PACSIN1: variants seen among roughly 807,000 people sequenced by gnomAD.
The protein encoded by PACSIN1 is protein kinase C and casein kinase substrate in neurons protein 1.
In PACSIN1, 15 loss-of-function variants were observed where a neutral mutation model predicts 59.5. The observed-to-expected ratio is 0.25, with a 90% CI of 0.17 to 0.39. The LOEUF is 0.39. Among genes scored for constraint, PACSIN1 ranks in the 10% least tolerant of loss-of-function variants. The probability of loss-of-function intolerance (pLI) is 1.00; values close to 1 mark genes in which losing one functional copy is unlikely to be tolerated. For synonymous variants in PACSIN1, 210 were observed against 220.6 expected (o/e 0.95, Z 0.42); for missense variants, 420 against 580.2 (o/e 0.72, Z 2.84).
chr6:34,474,354 G>C (rs1266835827), intron 1 of PACSIN1, among the ~76,000 whole-genome samples: 1 of 152,038 alleles, frequency 6.6e-6, no homozygotes, highest in African/African-American at 2.4e-5. Flanking sequence ...TCCTCTCCTA[G>C]ATCTTTGCAG....
intron 1 of PACSIN1, among the ~76,000 whole-genome samples, chr6:34,473,347 G>A (rs1384798567): frequency 6.6e-6 from 1 of 152,160 alleles, no homozygotes; most frequent in African/African-American, 2.4e-5. Flanking sequence ...GAGAGGACAT[G>A]GGTCGTGAGG....
chr6:34,528,632 A>G lies in PACSIN1; in HGVS notation c.221-10A>G, dbSNP rs759264096. On this transcript the variant is annotated splice_polypyrimidine_tract_variant and intron_variant, in intron 3 of 9. Coordinates refer to ENST00000244458, the MANE Select transcript of PACSIN1 (RefSeq NM_020804.5). ...AATGAGGTTCTTGTGACCTATTGCC[A>G]TTCCCTCAGGCCCACAGTATGGCAG... is the stretch of plus-strand genomic sequence containing the variant. 4 of 1,610,166 alleles carry G rather than the reference A, an allele frequency of 2.5e-6. No individual in the cohort carries two copies. Among genetic ancestry groups the G allele is most frequent in the South Asian group, 1.1e-5 (1 of 90,992 alleles).
intron 1 of PACSIN1, among the ~76,000 whole-genome samples, chr6:34,497,563 G>C (rs1447914665): frequency 6.6e-6 from 1 of 152,122 alleles, no homozygotes; most frequent in African/African-American, 2.4e-5. Context: ...CCCCTCCAAG[G>C]GTGTGCGTGC....
At position 34,473,334 on chromosome 6, in the gene PACSIN1, C is replaced by T. The variant is rs150371579; in HGVS notation, c.-64+7064C>T. Among the ~76,000 whole-genome samples the T allele has an allele frequency of 2.7e-3, 415 of 152,214 alleles. 3 individuals carry two copies. Among genetic ancestry groups the T allele is most frequent in the Admixed American group, 0.01 (153 of 15,286 alleles). On this transcript the variant is annotated intron_variant, in intron 1 of 9. Coordinates refer to ENST00000244458, the MANE Select transcript of PACSIN1 (RefSeq NM_020804.5). ...TGGGGAGGAAATCAGCATAGGAACA[C>T]GAGAGAGGACATGGGTCGTGAGGCT...
chr6:34,486,425 G>A (rs1221432532), intron 1 of PACSIN1, among the ~76,000 whole-genome samples: 1 of 152,174 alleles, frequency 6.6e-6, no homozygotes, highest in Admixed American at 6.5e-5. Flanking sequence ...AGCTAGGGCA[G>A]GACTGAGGTT....
At chr6:34,511,333 G>A (rs969287520) in intron 1 of PACSIN1, among the ~76,000 whole-genome samples, 1 of 152,122 alleles carries the variant, frequency 6.6e-6, no homozygotes, top group Admixed American at 6.5e-5. Context: ...TTCTGATGTG[G>A]GAAGTCTGGG....
chr6:34,527,212 G>T (rs1289765463), intron 2 of PACSIN1, 120 bp from the exon 3 acceptor site: 3 of 1,060,180 alleles, frequency 2.8e-6, no homozygotes, highest in Admixed American at 4.2e-5. Flanking sequence ...GGGCGGGGAC[G>T]GCGAGGCCGT....
At chr6:34,504,244 TTA>T (rs1486378383) in intron 1 of PACSIN1, among the ~76,000 whole-genome samples, 3 of 126,284 alleles carry the variant, frequency 2.4e-5, no homozygotes, top group African/African-American at 9.1e-5. Context: ...TCAGACAATG[TTA>T]TGTGTGTGTG....
chr6:34,495,864 C>T (rs1766940096), intron 1 of PACSIN1, among the ~76,000 whole-genome samples: 1 of 152,218 alleles, frequency 6.6e-6, no homozygotes, highest in African/African-American at 2.4e-5. Flanking sequence ...GGAGAGATTA[C>T]TCAAAGGGTC....
Position 34,476,086 on chromosome 6 carries a change from A to G in PACSIN1, c.-64+9816A>G, listed in dbSNP as rs534986340. Among the ~76,000 whole-genome samples the G allele has an allele frequency of 1.1e-4, 16 of 152,288 alleles. No homozygotes were observed. The East Asian group carries it at 1.4e-3, about 13-fold the overall frequency. On this transcript the variant is annotated intron_variant, in intron 1 of 9. Coordinates refer to ENST00000244458, the MANE Select transcript of PACSIN1 (RefSeq NM_020804.5). ...GCACCAGGCCATTCAGCAGTGAATG[A>G]CACACACTTTGTCCTTGTCCCTGGA...
rs1306613439 is a variant in PACSIN1, at chr6:34,530,594, G to T, written c.1037+7G>T. On this transcript the variant is annotated splice_region_variant and intron_variant, in intron 8 of 9. Coordinates refer to ENST00000244458, the MANE Select transcript of PACSIN1 (RefSeq NM_020804.5). The surrounding 1 kb of genome is among the most constrained non-coding windows in gnomAD (Gnocchi z 4.4). ...AGGCTGGGGACCGCGGCAGGTGAGTGCCTCCTGTGGAGCTTCCTGGGGCCA... is the reference window on the plus strand; with the variant it reads ...AGGCTGGGGACCGCGGCAGGTGAGTTCCTCCTGTGGAGCTTCCTGGGGCCA... 17 of 1,551,830 alleles carry T rather than the reference G, an allele frequency of 1.1e-5. No homozygotes were observed. The highest frequency in any genetic ancestry group is 2.1e-5 in the Admixed American group (1 of 48,306).
rs1366467019 is a variant in PACSIN1 at position 34,518,200 on chromosome 6, CG to C, written c.-63-8041del. On this transcript the variant is annotated intron_variant, in intron 1 of 9. Coordinates refer to ENST00000244458, the MANE Select transcript of PACSIN1 (RefSeq NM_020804.5). The surrounding 1 kb of genome is among the most constrained non-coding windows in gnomAD (Gnocchi z 4.4). The stretch of plus-strand genomic sequence containing the variant: ...CCAAGCCACTGAAGCGGGAGGGCCA[CG>C]GCCCCTTCTTCCTGGTCAGAACTCA... 6.6e-6 allele frequency among the ~76,000 whole-genome samples: 1 copy of C among 152,252 alleles called. No individual in the cohort carries two copies. The highest frequency in any genetic ancestry group is 1.5e-5 in the Non-Finnish European group (1 of 68,042).
intron 1 of PACSIN1, among the ~76,000 whole-genome samples, chr6:34,503,713 G>A (rs555137819): frequency 2.0e-5 from 3 of 152,086 alleles, no homozygotes; most frequent in East Asian, 1.9e-4. Flanking sequence ...TTGCTCTCAC[G>A]GACTGTTGCA....
At chr6:34,512,874 C>T (rs1274975840) in intron 1 of PACSIN1, among the ~76,000 whole-genome samples, 1 of 152,238 alleles carries the variant, frequency 6.6e-6, no homozygotes, top group Non-Finnish European at 1.5e-5. Flanking sequence ...GGGCTCGAAT[C>T]CCAGCCTATC....
chr6:34,522,270 A>C (rs1767407279), intron 1 of PACSIN1, among the ~76,000 whole-genome samples: 1 of 152,242 alleles, frequency 6.6e-6, no homozygotes, highest in African/African-American at 2.4e-5. Context: ...CCATGCGTGC[A>C]CTATTTTAGT....
chr6:34,527,792 C>T (rs764027391), intron 3 of PACSIN1: 4 of 237,772 alleles, frequency 1.7e-5, no homozygotes, highest in Non-Finnish European at 2.4e-5. Context: ...ACTGGCCCCA[C>T]GTTTTCTCAC....
intron 3 of PACSIN1, 139 bp downstream of exon 3, chr6:34,527,627 C>A: frequency 1.5e-6 from 1 of 663,008 alleles, no homozygotes; most frequent in Non-Finnish European, 2.3e-6. Flanking sequence ...GCTGTTCCCT[C>A]CTAGATCAAA....
At chr6:34,471,300 GGA>G (rs1333844206) in intron 1 of PACSIN1, among the ~76,000 whole-genome samples, 17 of 152,202 alleles carry the variant, frequency 1.1e-4, no homozygotes, top group African/African-American at 4.1e-4. Context: ...AGGGAGGAGT[GGA>G]GAGAGAGGGT....
At chr6:34,524,950 G>A (rs762260921) in intron 1 of PACSIN1, among the ~76,000 whole-genome samples, 2 of 151,698 alleles carry the variant, frequency 1.3e-5, no homozygotes, top group Non-Finnish European at 3.0e-5. Context: ...TGACATTAAG[G>A]GTTCTAGAAG....
Sources: gnomAD v4.1 joint callset for allele counts (sites outside exome capture counted in the v4.1 genomes callset) on GRCh38, gnomAD v4.1.1 for gene constraint, Gnocchi (gnomAD v3.1) non-coding constraint, MANE v1.5 for transcripts, NCBI Gene and HGNC (gene_info 2026-07-23, HGNC 2026-07-21) for gene names.